FGF14: variants seen among roughly 807,000 people sequenced by gnomAD.
The protein encoded by FGF14 is fibroblast growth factor 14, also known as fibroblast growth factor homologous factor 4.
FGF14 carries 5 observed loss-of-function variants against 25.5 expected under a neutral mutation model. The ratio of observed to expected loss-of-function variants is 0.20; its 90% confidence interval spans 0.10 to 0.41. The LOEUF is 0.41. Ranked by LOEUF, FGF14 falls within the 10% of genes least tolerant of loss-of-function variation. FGF14 has a pLI of 1.00. For synonymous variants in FGF14, 138 were observed against 118.3 expected (o/e 1.17, Z -1.08); for missense variants, 222 against 320.1 (o/e 0.69, Z 2.34).
intron 1 of FGF14, among the ~76,000 whole-genome samples, chr13:102,319,530 C>T (rs886528052): frequency 2.0e-5 from 3 of 152,218 alleles, no homozygotes; most frequent in Non-Finnish European, 2.9e-5. Context: ...TATGGTGAGG[C>T]ATGGCCAGTG....
At chr13:101,903,066 T>A (rs1272866584) in intron 1 of FGF14, among the ~76,000 whole-genome samples, 1 of 152,184 alleles carries the variant, frequency 6.6e-6, no homozygotes, top group Non-Finnish European at 1.5e-5. Context: ...TGTTTGTTTG[T>A]ATATTGCTCT....
chr13:101,994,194 C>T (rs1156951899), intron 1 of FGF14, among the ~76,000 whole-genome samples: 1 of 151,834 alleles, frequency 6.6e-6, no homozygotes, highest in Non-Finnish European at 1.5e-5. Context: ...ACAAACTTTC[C>T]AATGATTGTT....
intron 1 of FGF14, among the ~76,000 whole-genome samples, chr13:102,088,390 G>A (rs955525808): frequency 8.5e-5 from 13 of 152,148 alleles, no homozygotes; most frequent in African/African-American, 2.9e-4. Flanking sequence ...ATCTTAAAGT[G>A]TGGCACACAT....
intron 1 of FGF14, among the ~76,000 whole-genome samples, chr13:102,074,832 A>G (rs946507717): frequency 6.6e-6 from 1 of 152,244 alleles, no homozygotes; most frequent in Non-Finnish European, 1.5e-5. Flanking sequence ...AAACCGTATG[A>G]TCATCTCAAC....
At chr13:102,255,432 A>G (rs2052389336) in intron 1 of FGF14, among the ~76,000 whole-genome samples, 1 of 152,214 alleles carries the variant, frequency 6.6e-6, no homozygotes, top group African/African-American at 2.4e-5. Context: ...ACAATAAAGA[A>G]AAAAGAAATA....
chr13:102,096,569 T>C (rs1440027158), intron 1 of FGF14, among the ~76,000 whole-genome samples: 3 of 152,230 alleles, frequency 2.0e-5, no homozygotes, highest in Non-Finnish European at 4.4e-5. Flanking sequence ...TATTTACTTA[T>C]TGTAACAACC....
chr13:101,966,751 G>C (rs2037227968), intron 1 of FGF14, among the ~76,000 whole-genome samples: 1 of 152,120 alleles, frequency 6.6e-6, no homozygotes, highest in Admixed American at 6.5e-5. Flanking sequence ...TAAGTGCTGG[G>C]ATTACAGGCG....
intron 3 of FGF14, among the ~76,000 whole-genome samples, chr13:101,763,572 T>A (rs966438017): frequency 4.0e-5 from 6 of 151,506 alleles, no homozygotes; most frequent in Non-Finnish European, 7.4e-5. Flanking sequence ...GAAACTTAAC[T>A]TCCTGGCTGG....
chr13:101,797,741 G>GTT (rs1566914040), intron 3 of FGF14, among the ~76,000 whole-genome samples: 1 of 143,304 alleles, frequency 7.0e-6, no homozygotes, highest in African/African-American at 2.8e-5. Context: ...ATTGATGTGT[G>GTT]TGTGTGTGTG....
At chr13:102,245,986 C>T (rs897809666) in intron 1 of FGF14, among the ~76,000 whole-genome samples, 4 of 151,956 alleles carry the variant, frequency 2.6e-5, no homozygotes, top group Admixed American at 6.6e-5. Context: ...CAATTGATCA[C>T]GATACATAAA....
chr13:101,910,521 T>C (rs1336123032), intron 1 of FGF14, among the ~76,000 whole-genome samples: 1 of 151,994 alleles, frequency 6.6e-6, no homozygotes, highest in Non-Finnish European at 1.5e-5. Context: ...CATAAAATCA[T>C]AGGGAGAAAC....
intron 3 of FGF14, among the ~76,000 whole-genome samples, chr13:101,780,087 C>A (rs2039396116): frequency 6.6e-6 from 1 of 152,108 alleles, no homozygotes; most frequent in South Asian, 2.1e-4. Flanking sequence ...CACTTAATAT[C>A]CCTGAGCATC....
At chr13:102,368,197 T>A (rs34083565) in intron 1 of FGF14, among the ~76,000 whole-genome samples, 4 of 152,148 alleles carry the variant, frequency 2.6e-5, no homozygotes, top group African/African-American at 9.7e-5. Flanking sequence ...TAATCTAGCC[T>A]ATTTTAATTC....
At chr13:102,238,062 C>A (rs773159533) in intron 1 of FGF14, among the ~76,000 whole-genome samples, 1 of 152,074 alleles carries the variant, frequency 6.6e-6, no homozygotes, top group Admixed American at 6.6e-5. Context: ...TCATGGGCAA[C>A]GTTTTCTTTA....
At chr13:101,887,278 G>C (rs2138856802) in intron 1 of FGF14, among the ~76,000 whole-genome samples, 1 of 151,520 alleles carries the variant, frequency 6.6e-6, no homozygotes, top group East Asian at 1.9e-4. Flanking sequence ...TCCATCAATG[G>C]ATGAATGGAC....
chr13:101,725,933 T>C (rs1174754762), intron 4 of FGF14, among the ~76,000 whole-genome samples: 2 of 152,094 alleles, frequency 1.3e-5, no homozygotes, highest in African/African-American at 4.8e-5. Flanking sequence ...TCTTTGGGTA[T>C]CTGATTGGAG....
intron 1 of FGF14, among the ~76,000 whole-genome samples, chr13:102,174,037 G>C (rs2048345208): frequency 6.6e-6 from 1 of 151,880 alleles, no homozygotes; most frequent in Admixed American, 6.6e-5. Context: ...CTTATACCTA[G>C]GAAACTCTAA....
upstream of FGF14, among the ~76,000 whole-genome samples, chr13:101,920,753 G>A (rs1380028931): frequency 1.3e-5 from 2 of 152,054 alleles, no homozygotes; most frequent in East Asian, 1.9e-4. Context: ...AAATTTTGAC[G>A]AAATAAGTCC....
intron 1 of FGF14, among the ~76,000 whole-genome samples, chr13:102,267,427 C>T (rs752977174): frequency 6.6e-6 from 1 of 152,102 alleles, no homozygotes; most frequent in Non-Finnish European, 1.5e-5. Context: ...ATACATGACT[C>T]ATACATTGTA....
Sources: allele counts gnomAD v4.1 joint callset (sites outside exome capture counted in the v4.1 genomes callset), GRCh38; gene constraint gnomAD v4.1.1; transcripts MANE v1.5; gene names NCBI Gene and HGNC (gene_info 2026-07-23, HGNC 2026-07-21).